MAP3K13: variants seen among roughly 807,000 people sequenced by gnomAD.
MAP3K13 encodes the protein leucine zipper-bearing kinase.
MAP3K13 carries 52 observed loss-of-function variants against 104.0 expected under a neutral mutation model. That is an observed-to-expected ratio of 0.50 (90% CI 0.40 to 0.63). The LOEUF (loss-of-function observed/expected upper bound fraction) is 0.63. Ranked by LOEUF, MAP3K13 falls within the 20% of genes least tolerant of loss-of-function variation. MAP3K13 has a pLI of 0.00. For missense variants in MAP3K13, 914 were observed against 1,218.5 expected (o/e 0.75, Z 3.72); for synonymous variants, 394 against 442.2 (o/e 0.89, Z 1.37).
At chr3:185,422,087 G>A (rs1714164330) in intron 1 of MAP3K13, among the ~76,000 whole-genome samples, 1 of 152,234 alleles carries the variant, frequency 6.6e-6, no homozygotes, top group Admixed American at 6.5e-5. Flanking sequence ...TCAGTGGGTA[G>A]CCTCCTGCTG....
At position 185,455,563 on chromosome 3, in the gene MAP3K13, A is replaced by ATATATGTGACATATATAT. The variant is rs1217413167; in HGVS notation, c.1278+4168_1278+4169insTATATGTGACATATATAT. On this transcript the variant is annotated intron_variant, in intron 7 of 13. Transcript: ENST00000265026. Reference sequence around the variant, plus strand: ...ATATGACATATATATGATATATATGAGATATATATGACATATATATGATAT... The same window carrying ATATATGTGACATATATAT: ...ATATGACATATATATGATATATATGATATATGTGACATATATATGATATATATGACATATATATGATAT... 1.1e-4 allele frequency among the ~76,000 whole-genome samples: 2 copies of ATATATGTGACATATATAT among 18,350 alleles called. 1 individual carries two copies. Among genetic ancestry groups the ATATATGTGACATATATAT allele is most frequent in the Non-Finnish European group, 2.6e-4 (2 of 7,830 alleles). The allele number at this position is 18,350 out of a possible 152,430, so 12.0% of individuals were successfully genotyped here.
chr3:185,292,303 TAAA>T (rs754183268), intron 2 of MAP3K13: 4 of 135,710 alleles, frequency 2.9e-5, no homozygotes, highest in Admixed American at 7.4e-5. Flanking sequence ...AGACTCCGTC[TAAA>T]AAAAAAAAAA....
chr3:185,383,400 A>G (rs886235606), intron 1 of MAP3K13, among the ~76,000 whole-genome samples: 10 of 152,016 alleles, frequency 6.6e-5, no homozygotes, highest in African/African-American at 2.4e-4. Flanking sequence ...TACTAAAAAT[A>G]TTTTTTAAAA....
intron 3 of MAP3K13, among the ~76,000 whole-genome samples, chr3:185,438,677 G>A (rs558644815): frequency 1.3e-5 from 2 of 152,324 alleles, no homozygotes; most frequent in African/African-American, 4.8e-5. Context: ...AGTTTAAAGG[G>A]TGGAAGTGCT....
chr3:185,474,348 C>A (rs1237268133), intron 11 of MAP3K13, among the ~76,000 whole-genome samples: 1 of 151,954 alleles, frequency 6.6e-6, no homozygotes, highest in Non-Finnish European at 1.5e-5. Flanking sequence ...AACAAAAAAA[C>A]TATATAGTGG....
chr3:185,443,324 T>G (rs1348429587), intron 3 of MAP3K13, 121 bp from the exon 4 acceptor site: 3 of 654,634 alleles, frequency 4.6e-6, no homozygotes, highest in Non-Finnish European at 7.5e-6. Flanking sequence ...CAGGAACTAT[T>G]ATCTATACAC....
intron 2 of MAP3K13, among the ~76,000 whole-genome samples, chr3:185,338,222 C>T (rs1383645200): frequency 6.7e-5 from 10 of 150,078 alleles, no homozygotes; most frequent in South Asian, 2.1e-4. Context: ...CCCAGCTACA[C>T]GGGAGGCTGA....
chr3:185,329,467 G>A (rs1436376368), intron 2 of MAP3K13, among the ~76,000 whole-genome samples: 1 of 152,218 alleles, frequency 6.6e-6, no homozygotes, highest in Admixed American at 6.5e-5. Context: ...GTAACAAGAT[G>A]TTGGGATCCA....
At chr3:185,431,183 G>A (rs1408824578) in intron 2 of MAP3K13, among the ~76,000 whole-genome samples, 5 of 152,136 alleles carry the variant, frequency 3.3e-5, no homozygotes, top group African/African-American at 1.2e-4. Context: ...ATTACAATTC[G>A]AGATGAGATT....
rs1417153580 is a variant in MAP3K13, at chr3:185,450,470, A to T, written c.1169+412A>T. 6.6e-6 allele frequency among the ~76,000 whole-genome samples: 1 copy of T among 152,100 alleles called. No individual in the cohort carries two copies. Among genetic ancestry groups the T allele is most frequent in the Non-Finnish European group, 1.5e-5 (1 of 68,010 alleles). Reference sequence around the variant, plus strand: ...TCCTTTTGCTCTTCAGTATATCAAAACTGTACTGCAGGGCAGCCAGGCACA... The same window carrying T: ...TCCTTTTGCTCTTCAGTATATCAAATCTGTACTGCAGGGCAGCCAGGCACA... On this transcript the variant is annotated intron_variant, in intron 6 of 13. Transcript: ENST00000265026. The surrounding 1 kb of genome is among the most constrained non-coding windows in gnomAD (Gnocchi z 4.2).
chr3:185,373,784 T>G (rs1488002176), intron 1 of MAP3K13, among the ~76,000 whole-genome samples: 1 of 66,340 alleles, frequency 1.5e-5, no homozygotes, highest in Non-Finnish European at 5.7e-5. Flanking sequence ...CCATGACATG[T>G]TCTCAACCTG....
chr3:185,331,344 C>G (rs866310837), intron 2 of MAP3K13, among the ~76,000 whole-genome samples: 1 of 152,070 alleles, frequency 6.6e-6, no homozygotes, highest in Non-Finnish European at 1.5e-5. Context: ...ATCTGCCTGC[C>G]TTGGCCTCCC....
chr3:185,365,855 C>A (rs1449931669), intron 1 of MAP3K13, among the ~76,000 whole-genome samples: 1 of 3,028 alleles, frequency 3.3e-4, no homozygotes, highest in Non-Finnish European at 1.3e-3. Flanking sequence ...TCTCCCCATC[C>A]CCTCCCCTCC....
rs917896927 is a variant in MAP3K13 at position 185,380,946 on chromosome 3, T to C, written c.-86+17578T>C. ...CTCCTAAAAGAGGAAGAAGGTTTTT[T>C]TGTTTTTTTTTTGTTTTTTTTTGTT... On this transcript the variant is annotated intron_variant, in intron 1 of 13. Transcript: ENST00000265026. Among the ~76,000 whole-genome samples, 133 of 107,182 alleles carry C rather than the reference T, an allele frequency of 1.2e-3. 1 individual carries two copies. The highest frequency in any genetic ancestry group is 3.7e-3 in the African/African-American group (125 of 33,600). 70.3% of individuals were successfully genotyped at this position (107,182 alleles called of 152,430 possible).
At chr3:185,417,905 T>C (rs1277383716) in intron 1 of MAP3K13, 6 of 1,604,242 alleles carry the variant, frequency 3.7e-6, no homozygotes, top group Non-Finnish European at 5.1e-6. Flanking sequence ...CTTTTCAAGA[T>C]TCTGCTAAGA....
intron 2 of MAP3K13, among the ~76,000 whole-genome samples, chr3:185,331,092 C>CCTTT (rs1722253673): frequency 9.2e-6 from 1 of 108,590 alleles, no homozygotes; most frequent in Non-Finnish European, 1.8e-5. Context: ...CCTAATTTAC[C>CCTTT]TTTTTTTTTT....
Position 185,287,992 on chromosome 3 carries a change from G to A in MAP3K13, c.-86+2349G>A, listed in dbSNP as rs150925164. Among the ~76,000 whole-genome samples, 328 of 152,274 alleles carry A rather than the reference G, an allele frequency of 2.2e-3. 2 individuals carry two copies. Among genetic ancestry groups the A allele is most frequent in the African/African-American group, 7.1e-3 (295 of 41,558 alleles). ...GCAGAGGTTGCTGTGAGCCAAGATC[G>A]CGCCATTGGACTCCATCCTGGGCAA... On this transcript the variant is annotated intron_variant, in intron 2 of 14. Transcript: ENST00000424227.
In MAP3K13 at chr3:185,418,096, G is replaced by T. The variant is rs1463058808; in HGVS notation, c.-85-10401G>T. 48 of 1,611,426 alleles carry T rather than the reference G, an allele frequency of 3.0e-5. No individual in the cohort carries two copies. Among genetic ancestry groups the T allele is most frequent in the Non-Finnish European group, 6.8e-6 (8 of 1,179,390 alleles). Reference sequence around the variant, plus strand: ...GTTCAGCTTGCTTACATTAAGCAGAGTAATTCCAGGGATGTTTCTGAAGGC... The same window carrying T: ...GTTCAGCTTGCTTACATTAAGCAGATTAATTCCAGGGATGTTTCTGAAGGC... On this transcript the variant is annotated intron_variant, in intron 1 of 13. Coordinates refer to ENST00000265026, the MANE Select transcript of MAP3K13 (RefSeq NM_004721.5). This position sits in a 1 kb window ranked among gnomAD's most constrained non-coding sequence, Gnocchi z 4.5.
At chr3:185,334,610 T>C (rs1004734922) in intron 2 of MAP3K13, among the ~76,000 whole-genome samples, 1 of 151,874 alleles carries the variant, frequency 6.6e-6, no homozygotes, top group Admixed American at 6.6e-5. Context: ...TTTCTTTTTT[T>C]TTTTTTCTTT....
Sources: gnomAD v4.1 joint callset for allele counts (sites outside exome capture counted in the v4.1 genomes callset) on GRCh38, gnomAD v4.1.1 for gene constraint, Gnocchi (gnomAD v3.1) non-coding constraint, MANE v1.5 for transcripts, NCBI Gene and HGNC (gene_info 2026-07-23, HGNC 2026-07-21) for gene names.